The following KIAA1671 variants were observed in gnomAD, a reference collection of about 807,000 sequenced individuals.
The protein encoded by KIAA1671 is KIAA1671.
A neutral mutation model predicts 131.2 loss-of-function variants in KIAA1671; 52 were observed. The observed-to-expected ratio is 0.40, with a 90% CI of 0.32 to 0.50. The LOEUF is 0.50. Ranked by LOEUF, KIAA1671 falls within the 20% of genes least tolerant of loss-of-function variation. The probability of loss-of-function intolerance (pLI) is 0.73; values close to 1 mark genes in which losing one functional copy is unlikely to be tolerated. For missense variants in KIAA1671, 2,360 were observed against 2,364.2 expected (o/e 1.00, Z 0.04); for synonymous variants, 1,003 against 961.6 (o/e 1.04, Z -0.80).
intron 1 of KIAA1671, among the ~76,000 whole-genome samples, chr22:24,959,190 T>C (rs1921884581): frequency 6.6e-6 from 1 of 150,924 alleles, no homozygotes; most frequent in African/African-American, 2.4e-5. Flanking sequence ...TACATAAAAA[T>C]TTAAAAAATT....
At chr22:25,136,405 C>T (rs997882010) in intron 6 of KIAA1671, among the ~76,000 whole-genome samples, 1 of 152,166 alleles carries the variant, frequency 6.6e-6, no homozygotes, top group Non-Finnish European at 1.5e-5. Flanking sequence ...TGAGCTCTTG[C>T]TTTTTTCTAC....
At chr22:25,178,821 GGCTC>G (rs1486257542) in intron 9 of KIAA1671, among the ~76,000 whole-genome samples, 1 of 151,928 alleles carries the variant, frequency 6.6e-6, no homozygotes, top group Non-Finnish European at 1.5e-5. Flanking sequence ...TGCACACGCA[GGCTC>G]CCAGACACCA....
At chr22:25,122,916 A>G (rs1410965625) in intron 6 of KIAA1671, among the ~76,000 whole-genome samples, 1 of 152,076 alleles carries the variant, frequency 6.6e-6, no homozygotes, top group Admixed American at 6.5e-5. Context: ...CAGAGCTTGC[A>G]GTGAGCTGAG....
At chr22:25,027,871 T>A (rs922771524) in intron 2 of KIAA1671, 74 bp from the exon 3 acceptor site, 1 of 753,182 alleles carries the variant, frequency 1.3e-6, no homozygotes, top group Non-Finnish European at 2.1e-6. Flanking sequence ...GTCCCATTTC[T>A]CTAAACCATT....
intron 1 of KIAA1671, among the ~76,000 whole-genome samples, chr22:24,962,947 C>T (rs1357079567): frequency 6.6e-6 from 1 of 151,956 alleles, no homozygotes; most frequent in Non-Finnish European, 1.5e-5. Context: ...AAAAGAGTCA[C>T]GGGGAGCTCT....
Position 24,998,788 on chromosome 22 carries a change from CTG to C in KIAA1671, c.-207-26843_-207-26842del, listed in dbSNP as rs1342098137. 6.1e-5 allele frequency among the ~76,000 whole-genome samples: 9 copies of C among 147,916 alleles called. No homozygotes were observed. In the South Asian group the frequency reaches 1.5e-3, roughly 24 times the overall value. On this transcript the variant is annotated intron_variant, in intron 1 of 12. Transcript: ENST00000358431. ...GATCACCTATTGTAAAGTTTAAAAA[CTG>C]TAAGTGGAACCATCACAAATGAAAC...
intron 6 of KIAA1671, among the ~76,000 whole-genome samples, chr22:25,131,603 C>A (rs1194072852): frequency 6.6e-6 from 1 of 152,242 alleles, no homozygotes; most frequent in Non-Finnish European, 1.5e-5. Flanking sequence ...CCATTCAACA[C>A]TGGGGGCCAC....
intron 1 of KIAA1671, among the ~76,000 whole-genome samples, chr22:24,957,302 A>C (rs1202355880): frequency 1.3e-5 from 2 of 152,180 alleles, no homozygotes; most frequent in Non-Finnish European, 2.9e-5. Context: ...TGGCAAAGGC[A>C]TAGATCGCCT....
Position 25,040,121 on chromosome 22 carries a change from G to A in KIAA1671, c.2991G>A (p.Val997=). Reference sequence around the variant, plus strand: ...AACCTCAACTATCCCACTACAGGGTGGAGACCCAGGAGGTGAACCCAGGTG... The same window carrying A: ...AACCTCAACTATCCCACTACAGGGTAGAGACCCAGGAGGTGAACCCAGGTG... ...LRKPQLSHYR[V]ETQEVNPGAS... The change falls in exon 5 of 13, where the codon GTG becomes GTA. Residue 997 remains valine (V), a synonymous_variant. Transcript: ENST00000358431. 1 of 1,551,710 alleles carries A rather than the reference G, an allele frequency of 6.4e-7. No individual in the cohort carries two copies. The highest frequency in any genetic ancestry group is 8.7e-7 in the Non-Finnish European group (1 of 1,147,012).
intron 6 of KIAA1671, among the ~76,000 whole-genome samples, chr22:25,151,700 A>G (rs1933050633): frequency 1.3e-5 from 2 of 151,964 alleles, no homozygotes; most frequent in South Asian, 4.2e-4. Context: ...CCGGCCTCCC[A>G]AAGTGCTGGG....
intron 1 of KIAA1671, among the ~76,000 whole-genome samples, chr22:24,957,758 G>C (rs1201525846): frequency 3.5e-5 from 5 of 141,458 alleles, no homozygotes; most frequent in African/African-American, 1.4e-4. Context: ...GCTTACTGCA[G>C]CCTCCACCTC....
intron 1 of KIAA1671, among the ~76,000 whole-genome samples, chr22:24,995,395 C>T (rs182490634): frequency 1.0e-3 from 153 of 150,280 alleles, no homozygotes; most frequent in African/African-American, 3.5e-3. Flanking sequence ...GTCTCACTCT[C>T]GCCCAGGCTG....
chr22:24,960,695 A>T (rs553965010), intron 1 of KIAA1671, among the ~76,000 whole-genome samples: 1 of 113,750 alleles, frequency 8.8e-6, no homozygotes, highest in African/African-American at 3.6e-5. Context: ...CGAGTGCCGC[A>T]GTTAACATCC....
At chr22:25,079,456 G>C (rs938695031) in intron 6 of KIAA1671, among the ~76,000 whole-genome samples, 3 of 152,178 alleles carry the variant, frequency 2.0e-5, no homozygotes, top group African/African-American at 7.2e-5. Context: ...AGTATGTCAG[G>C]AGGTGGGCTG....
chr22:25,087,122 G>T (rs1159896387), intron 6 of KIAA1671, among the ~76,000 whole-genome samples: 1 of 151,588 alleles, frequency 6.6e-6, no homozygotes, highest in African/African-American at 2.4e-5. Context: ...TGTAAAATGG[G>T]CATAATAAAC....
intron 1 of KIAA1671, among the ~76,000 whole-genome samples, chr22:24,983,802 G>C (rs1291976660): frequency 2.1e-5 from 3 of 143,710 alleles, no homozygotes; most frequent in African/African-American, 7.8e-5. Context: ...TTTTGAGACA[G>C]AGTTTCACTC....
intron 6 of KIAA1671, among the ~76,000 whole-genome samples, chr22:25,083,595 A>G (rs1929526908): frequency 6.6e-6 from 1 of 152,232 alleles, no homozygotes; most frequent in Non-Finnish European, 1.5e-5. Flanking sequence ...GCAGAAGATC[A>G]CACAGCTGGT....
chr22:25,103,358 G>A (rs1568957137), intron 6 of KIAA1671, among the ~76,000 whole-genome samples: 1 of 150,850 alleles, frequency 6.6e-6, no homozygotes. Context: ...TTACAGGCAC[G>A]CACCACCGCA....
At chr22:25,119,226 A>G (rs2145926080) in intron 6 of KIAA1671, among the ~76,000 whole-genome samples, 1 of 152,220 alleles carries the variant, frequency 6.6e-6, no homozygotes, top group East Asian at 1.9e-4. Flanking sequence ...CATATTATAG[A>G]TGGGTAAACT....
Sources: allele counts gnomAD v4.1 joint callset (sites outside exome capture counted in the v4.1 genomes callset), GRCh38; gene constraint gnomAD v4.1.1; transcripts MANE v1.5; gene names NCBI Gene and HGNC (gene_info 2026-07-23, HGNC 2026-07-21).